PCCB: variants seen among roughly 807,000 people sequenced by gnomAD.
PCCB encodes propionyl-CoA carboxylase beta chain, mitochondrial.
A neutral mutation model predicts 60.7 loss-of-function variants in PCCB; 43 were observed. That is an observed-to-expected ratio of 0.71 (90% CI 0.55 to 0.91). The LOEUF (loss-of-function observed/expected upper bound fraction) is 0.91. Among genes scored for constraint, PCCB ranks in the 40% least tolerant of loss-of-function variants. PCCB has a pLI of 0.00. For missense variants in PCCB, 766 were observed against 702.8 expected (o/e 1.09, Z -1.02); for synonymous variants, 276 against 255.9 (o/e 1.08, Z -0.75).
intron 8 of PCCB, among the ~76,000 whole-genome samples, chr3:136,298,915 G>A (rs1397548897): frequency 6.6e-6 from 1 of 152,168 alleles, no homozygotes; most frequent in African/African-American, 2.4e-5. Context: ...TCTGGGCCAG[G>A]GATGCTCTGA....
chr3:136,319,763 T>C (rs1935044649), intron 10 of PCCB, among the ~76,000 whole-genome samples: 1 of 152,224 alleles, frequency 6.6e-6, no homozygotes, highest in Non-Finnish European at 1.5e-5. Context: ...GTGCTTTTGT[T>C]GTCGTATATA....
chr3:136,255,748 T>G, intron 1 of PCCB, 108 bp from the exon 2 acceptor site: 1 of 933,354 alleles, frequency 1.1e-6, no homozygotes, highest in Non-Finnish European at 1.8e-6. Flanking sequence ...GTACTTGCAT[T>G]GAGATCAACG....
At chr3:136,298,229 G>A (rs1357910943) in intron 8 of PCCB, among the ~76,000 whole-genome samples, 157 bp downstream of exon 8, 1 of 152,170 alleles carries the variant, frequency 6.6e-6, no homozygotes, top group African/African-American at 2.4e-5. Context: ...TTGGCTATAG[G>A]AGCAAAGAAA....
rs564781623 is a variant in PCCB at position 136,260,282 on chromosome 3, C to T, written c.373-197C>T. 247 of 666,038 alleles carry T rather than the reference C, an allele frequency of 3.7e-4. 1 individual carries two copies. The highest frequency in any genetic ancestry group is 2.4e-3 in the Middle Eastern group (6 of 2,530). The allele number at this position is 666,038 out of a possible 1,614,324, so 41.3% of individuals were successfully genotyped here. On this transcript the variant is annotated intron_variant, in intron 3 of 14. Transcript: ENST00000251654. ...TTGCAGATACGGGCTTCTGCCATGT[C>T]GCCCAGGCTGGTCTCAGACTCCTGG...
chr3:136,304,345 G>A (rs1330518940), intron 9 of PCCB, among the ~76,000 whole-genome samples: 4 of 118,834 alleles, frequency 3.4e-5, no homozygotes, highest in African/African-American at 1.0e-4. Flanking sequence ...TGTAGAGATG[G>A]CAACTCACTA....
chr3:136,313,638 C>T (rs1407224198), intron 9 of PCCB, among the ~76,000 whole-genome samples: 5 of 152,074 alleles, frequency 3.3e-5, no homozygotes, highest in African/African-American at 1.2e-4. Context: ...TAGTATTTTA[C>T]ATATTAAAAA....
intron 1 of PCCB, among the ~76,000 whole-genome samples, chr3:136,254,219 T>G (rs74372485): frequency 6.6e-6 from 1 of 151,702 alleles, no homozygotes; most frequent in East Asian, 2.0e-4. Flanking sequence ...GGCTTTTTTT[T>G]GTTTGTTTTT....
At chr3:136,271,505 A>G (rs1365311820) in intron 5 of PCCB, among the ~76,000 whole-genome samples, 2 of 152,032 alleles carry the variant, frequency 1.3e-5, no homozygotes, top group African/African-American at 4.8e-5. Flanking sequence ...ATGTGTTTTC[A>G]TTTGTTTGTG....
At chr3:136,288,548 C>G (rs1933530096) in intron 6 of PCCB, among the ~76,000 whole-genome samples, 2 of 151,554 alleles carry the variant, frequency 1.3e-5, no homozygotes, top group African/African-American at 4.9e-5. Context: ...ACTGGTCTCA[C>G]TGTGTTGCTT....
intron 9 of PCCB, among the ~76,000 whole-genome samples, chr3:136,306,213 T>C (rs1194798586): frequency 8.1e-6 from 1 of 123,110 alleles, no homozygotes; most frequent in Non-Finnish European, 1.8e-5. Flanking sequence ...CTCCCTTCAC[T>C]GTAAAAGTCA....
rs999863194 is a variant in PCCB, at chr3:136,303,186, G to A, written c.966+2075G>A. Among the ~76,000 whole-genome samples the A allele has an allele frequency of 1.6e-5, 2 of 122,958 alleles. 1 individual carries two copies. The highest frequency in any genetic ancestry group is 3.6e-5 in the Non-Finnish European group (2 of 55,044). 80.7% of individuals were successfully genotyped at this position (122,958 alleles called of 152,430 possible). A position where few individuals can be genotyped will look rare whatever the true frequency, so the allele number is the denominator to read the frequency against. On this transcript the variant is annotated intron_variant, in intron 9 of 14. Coordinates refer to ENST00000251654, the MANE Select transcript of PCCB (RefSeq NM_000532.5). The stretch of plus-strand genomic sequence containing the variant: ...CTCCCTATATGTCAAATGTAATGGT[G>A]AATCATAGTTGTGATTCTGGGCATC...
chr3:136,312,106 AAG>A (rs1934690149), intron 9 of PCCB, among the ~76,000 whole-genome samples: 1 of 152,254 alleles, frequency 6.6e-6, no homozygotes, highest in African/African-American at 2.4e-5. Context: ...AATAGAATAA[AAG>A]AGCCAGAAAT....
chr3:136,281,740 G>A (rs1424504578), intron 5 of PCCB, among the ~76,000 whole-genome samples: 1 of 152,076 alleles, frequency 6.6e-6, no homozygotes, highest in Non-Finnish European at 1.5e-5. Flanking sequence ...TTGGAAGTTT[G>A]GAAGTCTAGT....
intron 3 of PCCB, among the ~76,000 whole-genome samples, 193 bp downstream of exon 3, chr3:136,256,816 T>C (rs539389383): frequency 3.3e-5 from 5 of 152,262 alleles, no homozygotes; most frequent in African/African-American, 1.2e-4. Flanking sequence ...TAGTCTGTTT[T>C]GGGGGGGATC....
chr3:136,296,015 A>G (rs1237206925), intron 7 of PCCB, among the ~76,000 whole-genome samples: 7 of 152,134 alleles, frequency 4.6e-5, no homozygotes. Context: ...TTGGCCCTGT[A>G]TCCCCAGGGC....
Position 136,294,968 on chromosome 3 carries a change from T to A in PCCB, c.763+1104T>A, listed in dbSNP as rs1933867650. Among the ~76,000 whole-genome samples, 3 of 152,192 alleles carry A rather than the reference T, an allele frequency of 2.0e-5. No homozygotes were observed. In the South Asian group the frequency reaches 6.2e-4, roughly 32 times the overall value. On this transcript the variant is annotated intron_variant, in intron 7 of 14. Coordinates refer to ENST00000251654, the MANE Select transcript of PCCB (RefSeq NM_000532.5). The stretch of plus-strand genomic sequence containing the variant: ...TACCAAGTTTAAAATGTATAAAGAT[T>A]ATTCTGTGCCTCAGCACTGAAACAA...
chr3:136,274,301 A>T (rs1942283765), intron 5 of PCCB, among the ~76,000 whole-genome samples: 1 of 151,966 alleles, frequency 6.6e-6, no homozygotes, highest in South Asian at 2.1e-4. Flanking sequence ...TCTTCTGAAG[A>T]GTAATGCTGG....
intron 5 of PCCB, among the ~76,000 whole-genome samples, chr3:136,268,840 GA>G (rs1345660648): frequency 6.6e-6 from 1 of 152,174 alleles, no homozygotes; most frequent in East Asian, 1.9e-4. Flanking sequence ...TGAATTTGGT[GA>G]GAATTTACAT....
chr3:136,275,341 A>T (rs935938010), intron 5 of PCCB, among the ~76,000 whole-genome samples: 1 of 151,432 alleles, frequency 6.6e-6, no homozygotes. Flanking sequence ...ATTGTTTTTT[A>T]AGTTTTTTTT....
Sources: allele counts gnomAD v4.1 joint callset (sites outside exome capture counted in the v4.1 genomes callset), GRCh38; gene constraint gnomAD v4.1.1; transcripts MANE v1.5; gene names NCBI Gene and HGNC (gene_info 2026-07-23, HGNC 2026-07-21).